CENPK: variants seen among roughly 807,000 people sequenced by gnomAD.
CENPK encodes the protein SoxLZ/Sox6-binding protein Solt.
Under a neutral mutation model 40.9 loss-of-function variants are expected in CENPK, and 46 were observed. The ratio of observed to expected loss-of-function variants is 1.13; its 90% CI spans 0.89 to 1.44. CENPK has a LOEUF of 1.44. Among genes scored for constraint, CENPK ranks in the 40% most tolerant of loss-of-function variants. CENPK has a pLI of 0.00. For missense variants in CENPK, 288 were observed against 303.5 expected (o/e 0.95, Z 0.38); for synonymous variants, 107 against 104.4 (o/e 1.02, Z -0.15).
chr5:65,551,318 G>T (rs1262013716), intron 5 of CENPK: 4 of 412,438 alleles, frequency 9.7e-6, no homozygotes, highest in African/African-American at 6.3e-5. Context: ...TGTCTATGAG[G>T]ATAACATAAT....
At chr5:65,535,608 C>A (rs1005674540) in intron 6 of CENPK, among the ~76,000 whole-genome samples, 4 of 152,218 alleles carry the variant, frequency 2.6e-5, no homozygotes, top group African/African-American at 9.6e-5. Flanking sequence ...CAACTCGCCA[C>A]GTCACACATA....
At chr5:65,525,892 G>A (rs553200606) in intron 9 of CENPK, among the ~76,000 whole-genome samples, 91 of 152,144 alleles carry the variant, frequency 6.0e-4, no homozygotes, top group African/African-American at 2.0e-3. Context: ...CCTTCCTTTC[G>A]TCTTGAACTT....
At chr5:65,501,808 C>G in the CENPK span, among the ~76,000 whole-genome samples, 5 of 152,152 alleles carry the variant, frequency 3.3e-5, no homozygotes, top group African/African-American at 1.2e-4. Context: ...ATCAGTCTGG[C>G]TAGGAAAGGA....
intron 10 of CENPK, among the ~76,000 whole-genome samples, chr5:65,521,050 C>A (rs755382411): frequency 4.6e-5 from 7 of 152,002 alleles, no homozygotes; most frequent in Admixed American, 4.6e-4. Flanking sequence ...ATTTCTACAA[C>A]TTTGTGGAAA....
At chr5:65,495,773 G>A in the CENPK span, among the ~76,000 whole-genome samples, 8 of 151,894 alleles carry the variant, frequency 5.3e-5, no homozygotes, top group Non-Finnish European at 1.0e-4. Flanking sequence ...AGTAATCTAT[G>A]AAAAAAAGTT....
rs1253146175 is a variant in CENPK, at chr5:65,561,452, T to C, written c.-40+11A>G. ...AAAACATATAGAAACATTTAAGAGT[T>C]TGCTCTCTACCGCTTGAGGATGCAA... On this transcript the variant is annotated intron_variant, in intron 2 of 10. Coordinates refer to ENST00000396679, the MANE Select transcript of CENPK (RefSeq NM_022145.5). The C allele has an allele frequency of 4.4e-6, 2 of 450,158 alleles. No homozygotes were observed. The highest frequency in any genetic ancestry group is 8.9e-6 in the Non-Finnish European group (2 of 224,242). The allele number at this position is 450,158 out of a possible 1,614,324, so 27.9% of individuals were successfully genotyped here.
chr5:65,542,841 G>A lies in CENPK; in HGVS notation c.249C>T (p.Pro83=). Residue 83 remains proline (P), a synonymous_variant, in exon 6 of 11, where the codon CCC becomes CCT. Transcript: ENST00000396679. ...ATGTTATGAGAACGTCTTCAGTCAA[G>A]GGAATTGCTACAAAAACAAAACAAA... ...QWQKKTPETI[P]LTEDVLITLG... 1 of 1,609,316 alleles carries A rather than the reference G, an allele frequency of 6.2e-7. No homozygotes were observed. Among genetic ancestry groups the A allele is most frequent in the East Asian group, 2.2e-5 (1 of 44,718 alleles).
chr5:65,515,512 A>G (rs897621881), downstream of CENPK, among the ~76,000 whole-genome samples: 2 of 152,114 alleles, frequency 1.3e-5, no homozygotes, highest in African/African-American at 2.4e-5. Flanking sequence ...CGCATCTCAC[A>G]AATTTTGATA....
At chr5:65,514,239 TTTTTTTTTTTTTTTTTTTTTTTAG>T (rs1380564827), downstream of CENPK, among the ~76,000 whole-genome samples, 54 of 11,414 alleles carry the variant, frequency 4.7e-3, 1 homozygote, top group South Asian at 0.024. Context: ...TCTTTTTTTT[TTTTTTTTTTTTTTTTTTTTTTTAG>T]TTTTTTTTAG....
chr5:65,528,212 G>A (rs1745075075), intron 9 of CENPK, among the ~76,000 whole-genome samples: 1 of 152,164 alleles, frequency 6.6e-6, no homozygotes. Context: ...CTGAACTACA[G>A]CCTGGGTGAC....
chr5:65,518,409 A>G lies in CENPK; in HGVS notation c.*66T>C, dbSNP rs1329637299. The G allele has an allele frequency of 5.4e-6, 8 of 1,478,462 alleles. No homozygotes were observed. Among genetic ancestry groups the G allele is most frequent in the East Asian group, 2.3e-5 (1 of 43,682 alleles). 91.6% of individuals were successfully genotyped at this position (1,478,462 alleles called of 1,614,324 possible). A position where few individuals can be genotyped will look rare whatever the true frequency, so the allele number is the denominator to read the frequency against. Reference sequence around the variant, plus strand: ...TGCAAATAATGTTTTTTATCCAAATAGTCCTGTGGTTCCAATATCCTTGAA... The same window carrying G: ...TGCAAATAATGTTTTTTATCCAAATGGTCCTGTGGTTCCAATATCCTTGAA... On this transcript the variant is annotated 3_prime_UTR_variant, in exon 11 of 11. Coordinates refer to ENST00000396679, the MANE Select transcript of CENPK (RefSeq NM_022145.5).
the CENPK span, among the ~76,000 whole-genome samples, chr5:65,499,668 T>A: frequency 0.26 from 11,657 of 44,038 alleles, 442 homozygotes; most frequent in African/African-American, 0.33. Context: ...TTTTTTTTAA[T>A]TTTTTTTTTT....
chr5:65,560,363 T>C (rs1751751218), intron 2 of CENPK, among the ~76,000 whole-genome samples: 1 of 151,982 alleles, frequency 6.6e-6, no homozygotes, highest in South Asian at 2.1e-4. Flanking sequence ...ACCAATTACT[T>C]TGGAGGAAGA....
Position 65,554,961 on chromosome 5 carries a change from A to G in CENPK, c.-39-15T>C. The G allele has an allele frequency of 9.8e-7, 1 of 1,023,772 alleles. No homozygotes were observed. Among genetic ancestry groups the G allele is most frequent in the Non-Finnish European group, 1.5e-6 (1 of 649,160 alleles). 63.4% of individuals were successfully genotyped at this position (1,023,772 alleles called of 1,614,324 possible). A position where few individuals can be genotyped will look rare whatever the true frequency, so the allele number is the denominator to read the frequency against. On this transcript the variant is annotated splice_polypyrimidine_tract_variant and intron_variant, in intron 2 of 10. Transcript: ENST00000396679. ...TATAAGAAAAACTAAAGCAAAAAAT[A>G]TTTATTCATTCAGCAGTATTGGTTG... is the stretch of plus-strand genomic sequence containing the variant.
chr5:65,548,211 A>G (rs1749353538), intron 5 of CENPK, among the ~76,000 whole-genome samples: 1 of 152,174 alleles, frequency 6.6e-6, no homozygotes, highest in South Asian at 2.1e-4. Context: ...AGTCACACAA[A>G]TTTTTTGTTT....
intron 2 of CENPK, among the ~76,000 whole-genome samples, chr5:65,558,699 T>C (rs775947726): frequency 1.3e-5 from 2 of 152,176 alleles, no homozygotes; most frequent in Non-Finnish European, 2.9e-5. Flanking sequence ...AACCAGAGCA[T>C]GGTTGTATGT....
chr5:65,562,929 T>G (rs1271015358), intron 1 of CENPK, 169 bp downstream of exon 1: 2 of 164,214 alleles, frequency 1.2e-5, no homozygotes, highest in African/African-American at 4.8e-5. Context: ...CTCTAAATAT[T>G]GGTGAGGTTA....
chr5:65,544,303 T>A (rs545332648), intron 5 of CENPK, among the ~76,000 whole-genome samples: 1 of 152,278 alleles, frequency 6.6e-6, no homozygotes, highest in African/African-American at 2.4e-5. Context: ...AACACTATCA[T>A]AATGGTGATT....
chr5:65,535,062 C>G (rs1746621921), intron 6 of CENPK, among the ~76,000 whole-genome samples: 1 of 152,102 alleles, frequency 6.6e-6, no homozygotes, highest in Admixed American at 6.6e-5. Flanking sequence ...CAAAAAAATA[C>G]AAAACTTAGC....
Sources: allele counts gnomAD v4.1 joint callset (sites outside exome capture counted in the v4.1 genomes callset), GRCh38; gene constraint gnomAD v4.1.1; transcripts MANE v1.5; gene names NCBI Gene and HGNC (gene_info 2026-07-23, HGNC 2026-07-21).